The following OXSM variants were observed in gnomAD, a reference collection of about 807,000 sequenced individuals.
The protein encoded by OXSM is 3-oxoacyl-ACP synthase, mitochondrial, also known as 3-oxoacyl-[acyl-carrier-protein] synthase, mitochondrial.
OXSM carries 19 observed loss-of-function variants against 29.2 expected under a neutral mutation model. The observed-to-expected ratio is 0.65, with a 90% CI of 0.45 to 0.96. The LOEUF is 0.96. Among genes scored for constraint, OXSM ranks in the 40% least tolerant of loss-of-function variants. OXSM has a pLI of 0.00. For synonymous variants in OXSM, 178 were observed against 197.1 expected, an observed-to-expected ratio of 0.90 and a Z score of 0.81; for missense variants, 554 against 551.3, an observed-to-expected ratio of 1.00 and a Z score of -0.05.
chr3:25,791,748 T>C lies in OXSM; in HGVS notation c.728T>C (p.Leu243Ser). ...AGGTDSCISPLSLAGFSRARA... is the reference protein window; with the variant it reads ...AGGTDSCISPSSLAGFSRARA... Reference sequence around the variant, plus strand: ...GGTACAGATTCTTGTATTAGCCCTTTATCTCTTGCTGGGTTTTCCAGAGCC... The same window carrying C: ...GGTACAGATTCTTGTATTAGCCCTTCATCTCTTGCTGGGTTTTCCAGAGCC... The change falls in exon 2 of 3, where the codon TTA becomes TCA. Residue 243 changes from leucine (L) to serine (S), a missense_variant. By Grantham distance (145) the Leu-to-Ser change is moderately radical (BLOSUM62 -2). Coordinates refer to ENST00000280701, the MANE Select transcript of OXSM (RefSeq NM_017897.3). 1 of 1,614,164 alleles carries C rather than the reference T, an allele frequency of 6.2e-7. No individual in the cohort carries two copies. The highest frequency in any genetic ancestry group is 2.2e-5 in the East Asian group (1 of 44,884).
rs148981591 is a variant in OXSM at position 25,790,133 on chromosome 3, G to T, written c.-46G>T. 1.2e-3 allele frequency: 626 copies of T among 519,582 alleles called. 9 individuals are homozygous for T. Among genetic ancestry groups the T allele is most frequent in the African/African-American group, 0.01 (538 of 51,780 alleles). The allele number at this position is 519,582 out of a possible 1,614,324, so 32.2% of individuals were successfully genotyped here. A position where few individuals can be genotyped will look rare whatever the true frequency, so the allele number is the denominator to read the frequency against. On this transcript the variant is annotated 5_prime_UTR_variant, in exon 1 of 3. Coordinates refer to ENST00000280701, the MANE Select transcript of OXSM (RefSeq NM_017897.3). ...CCCCGACTGTGGAGAAGTGTCCGGG[G>T]TAGCCCCGTTACAGGTATCGCTGGC...
intron 2 of OXSM, among the ~76,000 whole-genome samples, chr3:25,793,511 A>G (rs1708810606): frequency 1.3e-5 from 2 of 152,194 alleles, no homozygotes; most frequent in South Asian, 2.1e-4. Flanking sequence ...AAACGTTTTC[A>G]GAGGTCCTTT....
In OXSM at chr3:25,794,158, T is replaced by C. The variant is rs147213228; in HGVS notation, c.1044T>C (p.His348=). 14 of 1,614,100 alleles carry C rather than the reference T, an allele frequency of 8.7e-6. No homozygotes were observed. The highest frequency in any genetic ancestry group is 1.1e-5 in the Non-Finnish European group (13 of 1,180,006). Residue 348 remains histidine, a synonymous_variant, in exon 3 of 3, where the codon CAT becomes CAC. Coordinates refer to ENST00000280701, the MANE Select transcript of OXSM (RefSeq NM_017897.3). ...AGGAGATATCCTATATCAATGCACA[T>C]GCTACTTCCACACCATTGGGAGATG... ...QPEEISYINA[H]ATSTPLGDAA...
rs1271052245 is a variant in OXSM at position 25,791,436 on chromosome 3, C to T, written c.416C>T (p.Ser139Leu). 1 of 1,614,146 alleles carries T rather than the reference C, an allele frequency of 6.2e-7. No homozygotes were observed. The highest frequency in any genetic ancestry group is 1.7e-5 in the Admixed American group (1 of 60,020). Residue 139 changes from serine (S) to leucine (L), a missense_variant, in exon 2 of 3, where the codon TCA becomes TTA. Ser to Leu is a moderately radical substitution (Grantham distance 145). Transcript: ENST00000280701. ...AAGGATTCTGGCTGGCATCCTCAGT[C>T]AGAAGCTGATCAAGTGGCTACTGGT... is the stretch of plus-strand genomic sequence containing the variant. ...AMKDSGWHPQ[S>L]EADQVATGVA...
Position 25,791,551 on chromosome 3 carries a change from A to G in OXSM, c.531A>G (p.Pro177=). The G allele has an allele frequency of 6.2e-7, 1 of 1,614,108 alleles. No individual in the cohort carries two copies. Among genetic ancestry groups the G allele is most frequent in the Non-Finnish European group, 8.5e-7 (1 of 1,180,004 alleles). The part of the protein sequence containing the change: ...FQTKGYNKVS[P]FFVPKILVNM... ...CAAAAGGTTACAATAAAGTTAGCCCATTTTTTGTCCCTAAGATTCTGGTCA... is the reference window on the plus strand; with the variant it reads ...CAAAAGGTTACAATAAAGTTAGCCCGTTTTTTGTCCCTAAGATTCTGGTCA... Residue 177 remains proline (P), a synonymous_variant, in exon 2 of 3, where the codon CCA becomes CCG. Transcript: ENST00000280701.
rs1221445668 is a variant in OXSM, at chr3:25,791,535, A to G, written c.515A>G (p.Tyr172Cys). The change falls in exon 2 of 3, where the codon TAC becomes TGC. Residue 172 changes from tyrosine (Y) to cysteine (C), a missense_variant. Physicochemically the swap from Tyr to Cys is radical, Grantham distance 194. Coordinates refer to ENST00000280701, the MANE Select transcript of OXSM (RefSeq NM_017897.3). ...ETALNFQTKG[Y>C]NKVSPFFVPK... ...GCTTTGAATTTTCAGACAAAAGGTTACAATAAAGTTAGCCCATTTTTTGTC... is the reference window on the plus strand; with the variant it reads ...GCTTTGAATTTTCAGACAAAAGGTTGCAATAAAGTTAGCCCATTTTTTGTC... 2.5e-6 allele frequency: 4 copies of G among 1,614,242 alleles called. No homozygotes were observed. The South Asian group carries it at 4.4e-5, about 18-fold the overall frequency.
chr3:25,794,023 C>T, intron 2 of OXSM, 69 bp from the exon 3 acceptor site: 1 of 1,363,584 alleles, frequency 7.3e-7, no homozygotes, highest in South Asian at 1.4e-5. Flanking sequence ...TCACATAAGC[C>T]ATACAGATAA....
chr3:25,793,045 T>G (rs1175101295), intron 2 of OXSM, among the ~76,000 whole-genome samples: 1 of 152,204 alleles, frequency 6.6e-6, no homozygotes, highest in Admixed American at 6.5e-5. Context: ...CCAATGAAAC[T>G]ATTTACAAAA....
In OXSM at chr3:25,790,128, C is replaced by G. The variant is rs1007101669; in HGVS notation, c.-51C>G. On this transcript the variant is annotated 5_prime_UTR_variant, in exon 1 of 3. Transcript: ENST00000280701. ...ATCGCCCCCGACTGTGGAGAAGTGT[C>G]CGGGGTAGCCCCGTTACAGGTATCG... 2 of 516,766 alleles carry G rather than the reference C, an allele frequency of 3.9e-6. No individual in the cohort carries two copies. Among genetic ancestry groups the G allele is most frequent in the East Asian group, 3.1e-5 (1 of 31,896 alleles). The allele number at this position is 516,766 out of a possible 1,614,324, so 32.0% of individuals were successfully genotyped here.
chr3:25,791,638 C>T lies in OXSM; in HGVS notation c.618C>T (p.Ser206=), dbSNP rs1334611255. The change falls in exon 2 of 3, where the codon TCC becomes TCT. Residue 206 remains serine, a synonymous_variant. Transcript: ENST00000280701. The part of the protein sequence containing the change: ...YKLKGPNHAV[S]TACTTGAHAV... Reference sequence around the variant, plus strand: ...TCAAGGGCCCAAATCATGCAGTATCCACAGCCTGTACCACAGGAGCTCATG... The same window carrying T: ...TCAAGGGCCCAAATCATGCAGTATCTACAGCCTGTACCACAGGAGCTCATG... The T allele has an allele frequency of 6.2e-7, 1 of 1,614,204 alleles. No homozygotes were observed.
At position 25,791,196 on chromosome 3, in the gene OXSM, C is replaced by A. The variant is rs750870154; in HGVS notation, c.176C>A (p.Thr59Asn). 5.1e-5 allele frequency: 82 copies of A among 1,614,172 alleles called. 1 individual carries two copies. Among genetic ancestry groups the A allele is most frequent in the Middle Eastern group, 1.6e-4 (1 of 6,062 alleles). Residue 59 changes from threonine to asparagine, a missense_variant, in exon 2 of 3, where the codon ACT (threonine) becomes AAT (asparagine). Thr to Asn is a moderately conservative substitution (Grantham distance 65). Transcript: ENST00000280701. Reference protein sequence around the residue: ...IGLVTPLGVGTHLVWDRLIGG... With the variant: ...IGLVTPLGVGNHLVWDRLIGG... ...TTAGTGACTCCTCTTGGTGTTGGAA[C>A]TCACCTGGTTTGGGATCGTCTTATC...
chr3:25,792,616 A>G (rs1044609285), intron 2 of OXSM, among the ~76,000 whole-genome samples: 3 of 152,048 alleles, frequency 2.0e-5, no homozygotes, highest in East Asian at 1.9e-4. Context: ...AGCTGGGACT[A>G]CAGGAATGCG....
chr3:25,794,027 C>A, intron 2 of OXSM, 65 bp from the exon 3 acceptor site: 1 of 1,410,780 alleles, frequency 7.1e-7, no homozygotes, highest in Non-Finnish European at 9.6e-7. Flanking sequence ...ATAAGCCATA[C>A]AGATAAAGAG....
At chr3:25,794,037 G>A (rs1708821774) in intron 2 of OXSM, 55 bp from the exon 3 acceptor site, 2 of 1,483,672 alleles carry the variant, frequency 1.3e-6, no homozygotes, top group African/African-American at 2.8e-5. Context: ...CAGATAAAGA[G>A]ACTTTTGTTA....
At chr3:25,793,467 A>G (rs534866668) in intron 2 of OXSM, among the ~76,000 whole-genome samples, 18 of 152,286 alleles carry the variant, frequency 1.2e-4, no homozygotes, top group African/African-American at 4.1e-4. Flanking sequence ...ATACATGTAT[A>G]TTTCTCTTAG....
chr3:25,790,751 G>C (rs547919797), intron 1 of OXSM: 1 of 360,516 alleles, frequency 2.8e-6, no homozygotes, highest in African/African-American at 2.1e-5. Context: ...TTGGTGACTC[G>C]AATGAATCAT....
At chr3:25,792,986 T>G (rs996789887) in intron 2 of OXSM, among the ~76,000 whole-genome samples, 1 of 152,194 alleles carries the variant, frequency 6.6e-6, no homozygotes, top group Admixed American at 6.5e-5. Flanking sequence ...GCCATTGTCA[T>G]GTGAAAGCAG....
Position 25,791,738 on chromosome 3 carries a change from A to G in OXSM, c.718A>G (p.Ile240Val). The change falls in exon 2 of 3, where the codon ATT becomes GTT. Residue 240 changes from isoleucine (I) to valine (V), a missense_variant. Transcript: ENST00000280701. ...VMVAGGTDSC[I>V]SPLSLAGFSR... The stretch of plus-strand genomic sequence containing the variant: ...GGTGGCTGGAGGTACAGATTCTTGT[A>G]TTAGCCCTTTATCTCTTGCTGGGTT... 1.2e-6 allele frequency: 2 copies of G among 1,614,158 alleles called. No homozygotes were observed. The highest frequency in any genetic ancestry group is 1.7e-6 in the Non-Finnish European group (2 of 1,180,028).
At position 25,791,939 on chromosome 3, in the gene OXSM, C is replaced by A. The variant is rs371504078; in HGVS notation, c.919C>A (p.Leu307Ile). ...RIYAEVLGYG[L>I]SGDAGHITAP... Reference sequence around the variant, plus strand: ...CTATGCAGAAGTTTTGGGCTATGGACTCTCAGGTGATGCTGGTCACATAAC... The same window carrying A: ...CTATGCAGAAGTTTTGGGCTATGGAATCTCAGGTGATGCTGGTCACATAAC... Residue 307 changes from leucine (L) to isoleucine (I), a missense_variant, in exon 2 of 3, where the codon CTC becomes ATC. Coordinates refer to ENST00000280701, the MANE Select transcript of OXSM (RefSeq NM_017897.3). The A allele has an allele frequency of 6.2e-7, 1 of 1,601,060 alleles. No individual in the cohort carries two copies. Among genetic ancestry groups the A allele is most frequent in the Admixed American group, 1.7e-5 (1 of 60,016 alleles).
Sources: allele counts gnomAD v4.1 joint callset (sites outside exome capture counted in the v4.1 genomes callset), GRCh38; gene constraint gnomAD v4.1.1; transcripts MANE v1.5; gene names NCBI Gene and HGNC (gene_info 2026-07-23, HGNC 2026-07-21).